KLF10: variants seen among roughly 807,000 people sequenced by gnomAD.
KLF10 encodes Krueppel-like factor 10.
In KLF10, 17 loss-of-function variants were observed where a neutral mutation model predicts 31.6. The ratio of observed to expected loss-of-function variants is 0.54; its 90% CI spans 0.37 to 0.81. The LOEUF is 0.81. Among genes scored for constraint, KLF10 ranks in the 30% least tolerant of loss-of-function variants. The probability of loss-of-function intolerance (pLI) is 0.00; values close to 1 mark genes in which losing one functional copy is unlikely to be tolerated. For synonymous variants in KLF10, 239 were observed against 215.1 expected (o/e 1.11, Z -0.97); for missense variants, 525 against 598.1 (o/e 0.88, Z 1.27).
At position 102,651,677 on chromosome 8, in the gene KLF10, C is replaced by A. The variant is rs1183591313; in HGVS notation, c.655G>T (p.Asp219Tyr). 1 of 1,614,260 alleles carries A rather than the reference C, an allele frequency of 6.2e-7. No homozygotes were observed. The highest frequency in any genetic ancestry group is 1.7e-5 in the Admixed American group (1 of 60,030). ...RSKCERNTVA[D>Y]VDEKASAALY... ...GCAGCACTTGCTTTCTCATCAACAT[C>A]TGCCACTGTGTTTCTCTCACATTTG... The change falls in exon 3 of 4, where the codon GAT becomes TAT. Residue 219 changes from aspartate to tyrosine, a missense_variant. By Grantham distance (160) the Asp-to-Tyr change is radical. Around this residue, in one of 3 missense-constraint regions of KLF10, gnomAD observed 434 missense variants for 450.7 expected, o/e 0.96. Coordinates refer to ENST00000285407, the MANE Select transcript of KLF10 (RefSeq NM_005655.4).
At chr8:102,650,452 TTC>T in intron 3 of KLF10, 61 bp from the exon 4 acceptor site, 3 of 1,513,846 alleles carry the variant, frequency 2.0e-6, no homozygotes, top group East Asian at 4.5e-5. Context: ...ATATGTTCAA[TTC>T]TGTCTAAAAG....
chr8:102,650,848 C>T (rs1827191305), intron 3 of KLF10, among the ~76,000 whole-genome samples: 1 of 152,152 alleles, frequency 6.6e-6, no homozygotes, highest in Non-Finnish European at 1.5e-5. Context: ...AAAAGCACAT[C>T]AATAAAGTAT....
Position 102,655,663 on chromosome 8 carries a change from A to G in KLF10, c.-62T>C. 2 of 1,592,168 alleles carry G rather than the reference A, an allele frequency of 1.3e-6. No homozygotes were observed. Among genetic ancestry groups the G allele is most frequent in the East Asian group, 2.3e-5 (1 of 44,286 alleles). ...CTGCTAGGCTGCTGGCTGCTTGGCC[A>G]CAGACGGGCGCACGGAGACACTCGA... On this transcript the variant is annotated 5_prime_UTR_variant, in exon 1 of 4. Coordinates refer to ENST00000285407, the MANE Select transcript of KLF10 (RefSeq NM_005655.4).
chr8:102,653,575 T>A, intron 1 of KLF10: 1 of 1,427,588 alleles, frequency 7.0e-7, no homozygotes, highest in Non-Finnish European at 9.2e-7. Context: ...AAGGTATTAT[T>A]CTCAATACTA....
In KLF10 at chr8:102,648,990, T is replaced by C. The variant is rs965008155; in HGVS notation, c.*1142A>G. On this transcript the variant is annotated 3_prime_UTR_variant, in exon 4 of 4. Coordinates refer to ENST00000285407, the MANE Select transcript of KLF10 (RefSeq NM_005655.4). The stretch of plus-strand genomic sequence containing the variant: ...ATTTTTCACTATATATTTTAAGCAA[T>C]GTACTTTTGTTTTGCCACTGTGTAT... 1.3e-5 allele frequency: 2 copies of C among 152,622 alleles called. No homozygotes were observed. Among genetic ancestry groups the C allele is most frequent in the African/African-American group, 4.8e-5 (2 of 41,442 alleles). 9.5% of individuals were successfully genotyped at this position (152,622 alleles called of 1,614,324 possible).
rs1827157480 is a variant in KLF10 at position 102,649,568 on chromosome 8, A to G, written c.*564T>C. The G allele has an allele frequency of 6.5e-6, 1 of 153,752 alleles. No homozygotes were observed. The highest frequency in any genetic ancestry group is 1.5e-5 in the Non-Finnish European group (1 of 68,956). The allele number at this position is 153,752 out of a possible 1,614,324, so 9.5% of individuals were successfully genotyped here. On this transcript the variant is annotated 3_prime_UTR_variant, in exon 4 of 4. Coordinates refer to ENST00000285407, the MANE Select transcript of KLF10 (RefSeq NM_005655.4). ...AGTCGTTCAATTCCAAATATTCACAATAGTGTAAAAATGATAGTTCTAGAT... is the reference window on the plus strand; with the variant it reads ...AGTCGTTCAATTCCAAATATTCACAGTAGTGTAAAAATGATAGTTCTAGAT...
chr8:102,653,750 A>C, intron 1 of KLF10: 6 of 1,136,072 alleles, frequency 5.3e-6, no homozygotes, highest in Non-Finnish European at 6.5e-6. Flanking sequence ...AATGCAAAAA[A>C]AGGAAAAAAG....
At position 102,649,515 on chromosome 8, in the gene KLF10, A is replaced by G. The variant is rs1184241638; in HGVS notation, c.*617T>C. ...AAGCAATTAAATTAAGGAGGATTCC[A>G]ATTCTTTGGGCCCTCTTAGCAATAT... On this transcript the variant is annotated 3_prime_UTR_variant, in exon 4 of 4. Coordinates refer to ENST00000285407, the MANE Select transcript of KLF10 (RefSeq NM_005655.4). The G allele has an allele frequency of 1.3e-5, 2 of 152,322 alleles. No individual in the cohort carries two copies. The highest frequency in any genetic ancestry group is 1.9e-4 in the East Asian group (1 of 5,204). 9.4% of individuals were successfully genotyped at this position (152,322 alleles called of 1,614,324 possible).
chr8:102,653,977 T>A (rs1827291351), intron 1 of KLF10: 5 of 984,726 alleles, frequency 5.1e-6, no homozygotes, highest in Non-Finnish European at 6.0e-6. Context: ...GGCTCACGGG[T>A]GAGTCACTGG....
chr8:102,653,457 T>G, intron 1 of KLF10: 1 of 1,542,880 alleles, frequency 6.5e-7, no homozygotes, highest in Non-Finnish European at 8.7e-7. Context: ...TAAAAAAAAA[T>G]GGTACTACTC....
intron 1 of KLF10, among the ~76,000 whole-genome samples, chr8:102,655,235 C>T (rs73698982): frequency 0.013 from 2,029 of 152,188 alleles, 41 homozygotes; most frequent in African/African-American, 0.046. Context: ...AGGGCAACGG[C>T]CCCCTCCCCA....
Position 102,650,247 on chromosome 8 carries a change from T to C in KLF10, c.1328A>G (p.His443Arg). Residue 443 changes from histidine to arginine, a missense_variant, in exon 4 of 4, where the codon CAT becomes CGT. His to Arg is a conservative substitution (Grantham distance 29). Coordinates refer to ENST00000285407, the MANE Select transcript of KLF10 (RefSeq NM_005655.4). ...MCDRRFMRSD[H>R]LTKHARRHLS... ...ATGGCGCCGGGCATGCTTGGTCAAA[T>C]GGTCACTCCTCATGAACCGCCGGTC... 1 of 1,614,208 alleles carries C rather than the reference T, an allele frequency of 6.2e-7. No individual in the cohort carries two copies. The highest frequency in any genetic ancestry group is 8.5e-7 in the Non-Finnish European group (1 of 1,180,036).
intron 1 of KLF10, 73 bp from the exon 2 acceptor site, chr8:102,652,470 A>G (rs1279588017): frequency 6.1e-6 from 3 of 489,956 alleles, no homozygotes; most frequent in Non-Finnish European, 1.1e-5. Context: ...AAATGAGCAA[A>G]TTTTTTTTTT....
intron 1 of KLF10, among the ~76,000 whole-genome samples, chr8:102,653,225 T>A (rs1354207556): frequency 6.6e-6 from 1 of 152,242 alleles, no homozygotes; most frequent in East Asian, 1.9e-4. Context: ...TTGCCATACA[T>A]AACTACAACA....
chr8:102,651,991 G>A lies in KLF10; in HGVS notation c.341C>T (p.Pro114Leu), dbSNP rs756563906. ...SQVSNLMAPA[P>L]STVHFKSLSD... ...GAGTGACTTGAAGTGTACAGTAGAT[G>A]GCGCTGGTGCCATCAGATTTGACAC... Residue 114 changes from proline (P) to leucine (L), a missense_variant, in exon 3 of 4, where the codon CCA becomes CTA. Transcript: ENST00000285407. 1.2e-6 allele frequency: 2 copies of A among 1,613,890 alleles called. No individual in the cohort carries two copies. Among genetic ancestry groups the A allele is most frequent in the Non-Finnish European group, 1.7e-6 (2 of 1,179,978 alleles).
In KLF10 at chr8:102,651,636, A is replaced by G. The variant is rs528017211; in HGVS notation, c.696T>C (p.Ser232=). The G allele has an allele frequency of 1.7e-5, 28 of 1,614,156 alleles. No homozygotes were observed. The highest frequency in any genetic ancestry group is 2.2e-5 in the Non-Finnish European group (26 of 1,180,056). Residue 232 remains serine (S), a synonymous_variant, in exon 3 of 4, where the codon TCT becomes TCC. Coordinates refer to ENST00000285407, the MANE Select transcript of KLF10 (RefSeq NM_005655.4). ...AGATGACCGTCTCTGAGGAAGGCAC[A>G]GAAAAGTCATAAAGTGCAGCACTTG... is the stretch of plus-strand genomic sequence containing the variant. ...EKASAALYDF[S]VPSSETVICR...
At position 102,655,045 on chromosome 8, in the gene KLF10, A is replaced by T. The variant is rs1325625994; in HGVS notation, c.36+521T>A. Among the ~76,000 whole-genome samples, 4 of 151,662 alleles carry T rather than the reference A, an allele frequency of 2.6e-5. No individual in the cohort carries two copies. The East Asian group carries it at 7.8e-4, about 30-fold the overall frequency. ...CCAAGCGTGGGTTCAGACCCCCAGG[A>T]TGGGTAGCCCACTCGCCTCTCCTGT... On this transcript the variant is annotated intron_variant, in intron 1 of 3. Coordinates refer to ENST00000285407, the MANE Select transcript of KLF10 (RefSeq NM_005655.4).
chr8:102,655,645 G>A lies in KLF10; in HGVS notation c.-44C>T, dbSNP rs1827350283. On this transcript the variant is annotated 5_prime_UTR_variant, in exon 1 of 4. Coordinates refer to ENST00000285407, the MANE Select transcript of KLF10 (RefSeq NM_005655.4). ...CGGCGGCAAGCTGACTGGCTGCTAG[G>A]CTGCTGGCTGCTTGGCCACAGACGG... 1 of 1,609,706 alleles carries A rather than the reference G, an allele frequency of 6.2e-7. No homozygotes were observed. The highest frequency in any genetic ancestry group is 1.1e-5 in the South Asian group (1 of 90,766).
chr8:102,653,026 AGATAAGG>A (rs978485462), intron 1 of KLF10, among the ~76,000 whole-genome samples: 3 of 152,244 alleles, frequency 2.0e-5, no homozygotes, highest in African/African-American at 7.2e-5. Flanking sequence ...AAAAATCAAA[AGATAAGG>A]GATCCTCAGG....
Sources: allele counts gnomAD v4.1 joint callset (sites outside exome capture counted in the v4.1 genomes callset), GRCh38; gene constraint gnomAD v4.1.1; regional missense constraint gnomAD v4.1.1; transcripts MANE v1.5; gene names NCBI Gene and HGNC (gene_info 2026-07-23, HGNC 2026-07-21).